Variants in SMIM41 observed in about 807,000 individuals in gnomAD.
The protein encoded by SMIM41 is small integral membrane protein 41.
At chr12:52,095,311 C>T (rs1413763638) in intron 2 of SMIM41, among the ~76,000 whole-genome samples, 3 of 151,406 alleles carry the variant, frequency 2.0e-5, no homozygotes, top group South Asian at 2.1e-4. Flanking sequence ...CGATCCACAT[C>T]GCAGGGGGGC....
intron 2 of SMIM41, among the ~76,000 whole-genome samples, chr12:52,105,473 C>T (rs1299186245): frequency 6.6e-6 from 1 of 152,238 alleles, no homozygotes; most frequent in Non-Finnish European, 1.5e-5. Context: ...CTTTTTGAAG[C>T]TGGGCGCGGT....
intron 2 of SMIM41, among the ~76,000 whole-genome samples, 173 bp downstream of exon 2, chr12:52,084,141 C>T (rs139161236): frequency 2.6e-4 from 39 of 152,060 alleles, no homozygotes; most frequent in African/African-American, 8.7e-4. Flanking sequence ...TTTGGGAGGC[C>T]GAGGCAGGTG....
At chr12:52,094,258 GCA>G (rs778539264) in intron 2 of SMIM41, among the ~76,000 whole-genome samples, 143 of 149,248 alleles carry the variant, frequency 9.6e-4, no homozygotes, top group Non-Finnish European at 1.4e-3. Flanking sequence ...TGCAGTGGCA[GCA>G]CAGTCTCAGT....
intron 1 of SMIM41, among the ~76,000 whole-genome samples, chr12:52,083,040 A>C (rs1939840619): frequency 6.6e-6 from 1 of 151,558 alleles, no homozygotes. Flanking sequence ...GCTCCACTGG[A>C]CCTCTGGAAG....
At chr12:52,103,778 A>G (rs1248113683) in intron 2 of SMIM41, among the ~76,000 whole-genome samples, 1 of 152,104 alleles carries the variant, frequency 6.6e-6, no homozygotes, top group African/African-American at 2.4e-5. Flanking sequence ...AAATAAATAA[A>G]CACGGTATGA....
Position 52,100,597 on chromosome 12 carries a change from C to T in SMIM41, c.*196-6782C>T, listed in dbSNP as rs192426503. On this transcript the variant is annotated intron_variant, in intron 2 of 2. Transcript: ENST00000546390. ...TCAGCCTTCTGAGTAGCTGGGATTA[C>T]AGGCATGCGCTACCGCGCCCAGCTA... Among the ~76,000 whole-genome samples, 294 of 150,882 alleles carry T rather than the reference C, an allele frequency of 1.9e-3. 2 individuals are homozygous for T. The highest frequency in any genetic ancestry group is 6.6e-3 in the African/African-American group (273 of 41,118).
At chr12:52,084,412 CA>C (rs1451510446) in intron 2 of SMIM41, among the ~76,000 whole-genome samples, 2 of 150,494 alleles carry the variant, frequency 1.3e-5, no homozygotes, top group African/African-American at 2.4e-5. Flanking sequence ...ACAAAAACCA[CA>C]AAAAAACAAG....
chr12:52,097,691 C>T (rs1297112880), intron 2 of SMIM41, among the ~76,000 whole-genome samples: 3 of 152,016 alleles, frequency 2.0e-5, no homozygotes, highest in African/African-American at 4.8e-5. Flanking sequence ...CGTGTATTCC[C>T]CCTTCCATAT....
At chr12:52,083,734 C>T (rs955647092) in intron 1 of SMIM41, among the ~76,000 whole-genome samples, 160 bp from the exon 2 acceptor site, 1 of 152,244 alleles carries the variant, frequency 6.6e-6, no homozygotes, top group South Asian at 2.1e-4. Flanking sequence ...GATTGCAAAA[C>T]TTTCCTAAAC....
chr12:52,080,466 A>G (rs1015329484), intron 1 of SMIM41, among the ~76,000 whole-genome samples: 77 of 152,182 alleles, frequency 5.1e-4, no homozygotes, highest in African/African-American at 1.9e-3. Flanking sequence ...TTTTTCTACG[A>G]ACAGAGGCTG....
chr12:52,098,799 T>C (rs2120705853), intron 2 of SMIM41, among the ~76,000 whole-genome samples: 2 of 151,474 alleles, frequency 1.3e-5, no homozygotes, highest in South Asian at 4.2e-4. Context: ...CCTTGGATAT[T>C]AGGAAGGGTA....
chr12:52,099,129 C>T (rs958874108), intron 2 of SMIM41, among the ~76,000 whole-genome samples: 2 of 151,940 alleles, frequency 1.3e-5, no homozygotes, highest in African/African-American at 4.8e-5. Context: ...TGTGTGTACC[C>T]CCTGCGATAT....
At chr12:52,094,537 A>G (rs1340900857) in intron 2 of SMIM41, 1 of 152,196 alleles carries the variant, frequency 6.6e-6, no homozygotes, top group Admixed American at 6.5e-5. Context: ...ATTAAGGCTC[A>G]CTCAAAGAGG....
chr12:52,084,846 G>A (rs1224689374), intron 2 of SMIM41: 1 of 152,434 alleles, frequency 6.6e-6, no homozygotes, highest in African/African-American at 2.4e-5. Context: ...CTGTGGTGGG[G>A]ATAGCAGGCT....
chr12:52,091,454 C>A (rs562035929), intron 2 of SMIM41, among the ~76,000 whole-genome samples: 15 of 152,182 alleles, frequency 9.9e-5, no homozygotes, highest in Non-Finnish European at 2.1e-4. Context: ...ACTTTGAACC[C>A]ATTCCTTGCA....
At chr12:52,099,562 G>A (rs894554555) in intron 2 of SMIM41, among the ~76,000 whole-genome samples, 1 of 151,924 alleles carries the variant, frequency 6.6e-6, no homozygotes, top group Non-Finnish European at 1.5e-5. Context: ...TCTCCTCCAC[G>A]GTTTTTAGAA....
At chr12:52,086,482 A>C (rs1273604566) in intron 2 of SMIM41, among the ~76,000 whole-genome samples, 1 of 152,186 alleles carries the variant, frequency 6.6e-6, no homozygotes, top group African/African-American at 2.4e-5. Context: ...TAAGACAATA[A>C]AAAAATAAAA....
intron 2 of SMIM41, among the ~76,000 whole-genome samples, chr12:52,095,005 G>T (rs574411410): frequency 6.6e-6 from 1 of 150,610 alleles, no homozygotes; most frequent in South Asian, 2.1e-4. Flanking sequence ...GAGTGCAGTG[G>T]TGTGATCTCC....
chr12:52,093,253 A>G (rs896266907), intron 2 of SMIM41, among the ~76,000 whole-genome samples: 6 of 152,190 alleles, frequency 3.9e-5, no homozygotes, highest in Non-Finnish European at 7.3e-5. Context: ...AACTTACATA[A>G]AACAAATCTC....
Sources: allele counts gnomAD v4.1 joint callset (sites outside exome capture counted in the v4.1 genomes callset), GRCh38; gene constraint gnomAD v4.1.1; transcripts MANE v1.5; gene names NCBI Gene and HGNC (gene_info 2026-07-23, HGNC 2026-07-21).